Variants in VPS8 observed in about 807,000 individuals in gnomAD.
The protein encoded by VPS8 is VPS8 subunit of CORVET complex, also known as vacuolar protein sorting-associated protein 8 homolog.
In VPS8, 129 loss-of-function variants were observed where a neutral mutation model predicts 216.4. The observed-to-expected ratio is 0.60, with a 90% CI of 0.52 to 0.69. The LOEUF is 0.69. Among genes scored for constraint, VPS8 ranks in the 30% least tolerant of loss-of-function variants. VPS8 has a pLI of 0.00. For missense variants in VPS8, 1,531 were observed against 1,683.5 expected (o/e 0.91, Z 1.59); for synonymous variants, 571 against 565.4 (o/e 1.01, Z -0.14).
chr3:185,042,007 G>A (rs1304327046), intron 46 of VPS8, among the ~76,000 whole-genome samples: 1 of 152,156 alleles, frequency 6.6e-6, no homozygotes, highest in East Asian at 1.9e-4. Context: ...TGCTGGGGCT[G>A]ACAAGTCACA....
chr3:184,956,275 G>A (rs1299622734), intron 36 of VPS8, among the ~76,000 whole-genome samples: 2 of 152,176 alleles, frequency 1.3e-5, no homozygotes, highest in Non-Finnish European at 1.5e-5. Context: ...GGCTATTGAT[G>A]TACTGTACAT....
chr3:184,968,303 C>T (rs1290031850), intron 39 of VPS8, among the ~76,000 whole-genome samples: 1 of 152,082 alleles, frequency 6.6e-6, no homozygotes, highest in Admixed American at 6.6e-5. Context: ...ACTTGGGCCA[C>T]TTCCACTTTT....
At chr3:184,910,718 G>T (rs1406138089) in intron 25 of VPS8, among the ~76,000 whole-genome samples, 1 of 152,130 alleles carries the variant, frequency 6.6e-6, no homozygotes, top group Non-Finnish European at 1.5e-5. Context: ...TCGCCGCCGT[G>T]CCAGGAAGGT....
chr3:184,924,262 C>G (rs767150894), intron 29 of VPS8, among the ~76,000 whole-genome samples: 70 of 152,332 alleles, frequency 4.6e-4, no homozygotes, highest in Non-Finnish European at 9.4e-4. Context: ...CAAAGCAGCT[C>G]TCTTCTTCCC....
intron 46 of VPS8, among the ~76,000 whole-genome samples, chr3:185,043,594 A>G (rs2108517389): frequency 6.6e-6 from 1 of 152,330 alleles, no homozygotes; most frequent in Non-Finnish European, 1.5e-5. Context: ...ATTGTATGTG[A>G]AATGTCTCAC....
chr3:184,980,289 TA>T lies in VPS8; in HGVS notation c.3421-2276del, dbSNP rs575579713. 3.7e-3 allele frequency among the ~76,000 whole-genome samples: 559 copies of T among 152,186 alleles called. 3 individuals carry two copies. Among genetic ancestry groups the T allele is most frequent in the African/African-American group, 0.013 (538 of 41,504 alleles). ...TCTCGGTAATGGTCATCTTGTATAA[TA>T]TCTCACAAGGGTTCTCTGCATTTCC... On this transcript the variant is annotated intron_variant, in intron 40 of 47. Coordinates refer to ENST00000625842, the MANE Select transcript of VPS8 (RefSeq NM_001009921.3).
At chr3:184,982,781 A>G (rs1487155597) in intron 41 of VPS8, 134 bp downstream of exon 41, 1 of 772,274 alleles carries the variant, frequency 1.3e-6, no homozygotes, top group Admixed American at 3.3e-5. Flanking sequence ...ACCATATAGT[A>G]TGGTTGATCT....
intron 30 of VPS8, among the ~76,000 whole-genome samples, chr3:184,925,580 A>C (rs1739442485): frequency 6.6e-6 from 1 of 152,138 alleles, no homozygotes; most frequent in Admixed American, 6.5e-5. Context: ...GAGATTAAGT[A>C]ATTCATGTTA....
chr3:184,950,514 G>A (rs1241973584), intron 36 of VPS8, among the ~76,000 whole-genome samples: 3 of 151,902 alleles, frequency 2.0e-5, no homozygotes, highest in South Asian at 4.2e-4. Context: ...GACTAGACTA[G>A]CCTTTAAAAA....
intron 3 of VPS8, among the ~76,000 whole-genome samples, chr3:184,828,530 C>G (rs1418659670): frequency 6.6e-6 from 1 of 152,018 alleles, no homozygotes; most frequent in Non-Finnish European, 1.5e-5. Flanking sequence ...TATTGCCATC[C>G]TTTGAAACTA....
In VPS8 at chr3:184,838,838, T is replaced by A. The variant is rs949273066; in HGVS notation, c.480+92T>A. On this transcript the variant is annotated intron_variant, in intron 6 of 47. Coordinates refer to ENST00000625842, the MANE Select transcript of VPS8 (RefSeq NM_001009921.3). ...ACATTGTTCAAAATACTACATAAGT[T>A]GTTATGGTAATAAATTCACAAGTCA... is the stretch of plus-strand genomic sequence containing the variant. 1.0e-5 allele frequency: 10 copies of A among 998,724 alleles called. 1 individual carries two copies. In the African/African-American group the frequency reaches 1.5e-4, roughly 15 times the overall value. The allele number at this position is 998,724 out of a possible 1,614,324, so 61.9% of individuals were successfully genotyped here.
chr3:184,868,338 G>C (rs765303687), intron 18 of VPS8: 2 of 352,490 alleles, frequency 5.7e-6, no homozygotes, highest in Non-Finnish European at 1.0e-5. Flanking sequence ...CGCAGCTCTT[G>C]TAGGAATTCC....
At chr3:184,921,969 A>G (rs1276208968) in intron 29 of VPS8, among the ~76,000 whole-genome samples, 1 of 152,134 alleles carries the variant, frequency 6.6e-6, no homozygotes, top group Non-Finnish European at 1.5e-5. Flanking sequence ...AGATCCCTCT[A>G]TATATTCTGG....
intron 42 of VPS8, among the ~76,000 whole-genome samples, chr3:184,989,312 A>T (rs1751554245): frequency 6.6e-6 from 1 of 152,214 alleles, no homozygotes; most frequent in African/African-American, 2.4e-5. Flanking sequence ...CAGTTTGTCT[A>T]TCATGAGTGG....
In VPS8 at chr3:184,966,658, T is replaced by C. The variant is rs758948062; in HGVS notation, c.3274-13T>C. On this transcript the variant is annotated splice_polypyrimidine_tract_variant and intron_variant, in intron 38 of 47. Transcript: ENST00000625842. ...TGTTCCTTTTTAACTCCTATGTTCT[T>C]TTTATCTCCTAGAGACTACAAAGCA... 6.4e-7 allele frequency: 1 copy of C among 1,552,198 alleles called. No homozygotes were observed. The highest frequency in any genetic ancestry group is 1.3e-5 in the South Asian group (1 of 78,944).
chr3:184,996,372 T>C lies in VPS8; in HGVS notation c.3707T>C (p.Leu1236Pro). Reference sequence around the variant, plus strand: ...ACAACCAGCCTTCTAAACCAAGATCTCCATTGGTCATTGTGTAACCTGAGA... The same window carrying C: ...ACAACCAGCCTTCTAAACCAAGATCCCCATTGGTCATTGTGTAACCTGAGA... ...ETTTSLLNQD[L>P]HWSLCNLRAS... Residue 1236 changes from leucine to proline, a missense_variant, in exon 44 of 48, where the codon CTC becomes CCC. Transcript: ENST00000625842. The C allele has an allele frequency of 1.2e-6, 2 of 1,613,496 alleles. No individual in the cohort carries two copies. Among genetic ancestry groups the C allele is most frequent in the Non-Finnish European group, 1.7e-6 (2 of 1,179,628 alleles).
In VPS8 at chr3:184,852,538, C is replaced by A. The variant is rs376129060; in HGVS notation, c.792C>A (p.Ser264Arg). ...CAACTCTTGCAATTTGCAACGACAG[C>A]GGAGGCTCTGTTTTTGAATTGACAT... ...DDPTLAICND[S>R]GGSVFELTFK... Residue 264 changes from serine to arginine, a missense_variant, in exon 11 of 48, where the codon AGC becomes AGA. Around this residue, in one of 3 missense-constraint regions of VPS8, gnomAD observed 1,318 missense variants for 1,468.4 expected, o/e 0.90. Coordinates refer to ENST00000625842, the MANE Select transcript of VPS8 (RefSeq NM_001009921.3). 6.2e-7 allele frequency: 1 copy of A among 1,613,556 alleles called. No homozygotes were observed. Among genetic ancestry groups the A allele is most frequent in the South Asian group, 1.1e-5 (1 of 91,022 alleles).
chr3:184,921,425 C>A (rs1392660431), intron 29 of VPS8, among the ~76,000 whole-genome samples: 3 of 152,160 alleles, frequency 2.0e-5, no homozygotes, highest in Non-Finnish European at 4.4e-5. Flanking sequence ...AGAAAATGTT[C>A]CCTCTCCTTA....
At chr3:184,966,110 G>A (rs900329430) in intron 38 of VPS8, among the ~76,000 whole-genome samples, 1 of 152,134 alleles carries the variant, frequency 6.6e-6, no homozygotes, top group African/African-American at 2.4e-5. Context: ...TGCTTCTGGT[G>A]AGGACCTCAG....
Sources: gnomAD v4.1 joint callset for allele counts (sites outside exome capture counted in the v4.1 genomes callset) on GRCh38, gnomAD v4.1.1 for gene constraint, gnomAD v4.1.1 regional missense constraint, MANE v1.5 for transcripts, NCBI Gene and HGNC (gene_info 2026-07-23, HGNC 2026-07-21) for gene names.